MDN1: variants seen among roughly 807,000 people sequenced by gnomAD.
MDN1 encodes midasin.
Under a neutral mutation model 669.2 loss-of-function variants are expected in MDN1, and 266 were observed. The ratio of observed to expected loss-of-function variants is 0.40; its 90% confidence interval spans 0.36 to 0.44. The LOEUF (loss-of-function observed/expected upper bound fraction) is 0.44. MDN1 is among the 20% of genes least tolerant of loss of function. MDN1 has a pLI of 1.00. For missense variants in MDN1, 5,940 were observed against 6,754.0 expected, an observed-to-expected ratio of 0.88 and a Z score of 4.22; for synonymous variants, 2,385 against 2,457.1, an observed-to-expected ratio of 0.97 and a Z score of 0.87.
chr6:89,690,046 G>A lies in MDN1; in HGVS notation c.10847C>T (p.Ser3616Phe). Residue 3616 changes from serine to phenylalanine, a missense_variant, in exon 65 of 102, where the codon TCC (serine) becomes TTC (phenylalanine). Ser to Phe is a radical substitution (Grantham distance 155, BLOSUM62 -2). Coordinates refer to ENST00000369393, the MANE Select transcript of MDN1 (RefSeq NM_014611.3). ...CATTACTGCCTGCATTGAATTCTGGGAGAGGAGAGCTGGGTTTGTGCCTGC... is the reference window on the plus strand; with the variant it reads ...CATTACTGCCTGCATTGAATTCTGGAAGAGGAGAGCTGGGTTTGTGCCTGC... Reference protein sequence around the residue: ...EEAGTNPALLSQNSMQAVMLI... With the variant: ...EEAGTNPALLFQNSMQAVMLI... 1.9e-6 allele frequency: 3 copies of A among 1,614,194 alleles called. No homozygotes were observed. The highest frequency in any genetic ancestry group is 2.5e-6 in the Non-Finnish European group (3 of 1,180,040).
rs570577708 is a variant in MDN1, at chr6:89,664,371, C to G, written c.14236+116G>C. 49 of 1,329,082 alleles carry G rather than the reference C, an allele frequency of 3.7e-5. No homozygotes were observed. The African/African-American group carries it at 6.7e-4, about 18-fold the overall frequency. 82.3% of individuals were successfully genotyped at this position (1,329,082 alleles called of 1,614,324 possible). On this transcript the variant is annotated intron_variant, in intron 85 of 101. Transcript: ENST00000369393. ...TGAGGTTTTCATTTGCACTTAAGCACAGTAACCAACTTGTTTCAAAAGATT... is the reference window on the plus strand; with the variant it reads ...TGAGGTTTTCATTTGCACTTAAGCAGAGTAACCAACTTGTTTCAAAAGATT...
intron 84 of MDN1, 47 bp downstream of exon 84, chr6:89,667,967 G>A: frequency 1.9e-6 from 3 of 1,596,150 alleles, no homozygotes; most frequent in Non-Finnish European, 2.6e-6. Flanking sequence ...ATGTTGAAAA[G>A]AAAGAGAGTG....
chr6:89,793,742 C>A lies in MDN1; in HGVS notation c.855+20G>T. 1 of 1,605,570 alleles carries A rather than the reference C, an allele frequency of 6.2e-7. No individual in the cohort carries two copies. The highest frequency in any genetic ancestry group is 8.5e-7 in the Non-Finnish European group (1 of 1,175,000). On this transcript the variant is annotated intron_variant, in intron 5 of 101. Transcript: ENST00000369393. ...TTTAGTAGGGGGAAGGGGACACACC[C>A]CCTACTGATACCAACATACCAGCTC... is the stretch of plus-strand genomic sequence containing the variant.
At chr6:89,698,207 A>G (rs1812900067) in intron 59 of MDN1, among the ~76,000 whole-genome samples, 1 of 152,194 alleles carries the variant, frequency 6.6e-6, no homozygotes, top group Non-Finnish European at 1.5e-5. Flanking sequence ...GGCAATAACC[A>G]TAATTTTGTT....
Position 89,692,205 on chromosome 6 carries a change from C to A in MDN1, c.10587+238G>T, listed in dbSNP as rs142393768. Among the ~76,000 whole-genome samples, 5 of 152,130 alleles carry A rather than the reference C, an allele frequency of 3.3e-5. No homozygotes were observed. The East Asian group carries it at 9.7e-4, about 29-fold the overall frequency. On this transcript the variant is annotated intron_variant, in intron 63 of 101. Transcript: ENST00000369393. Reference sequence around the variant, plus strand: ...AGACAACTGACAAACTGGGAGAAAACACATGTAGTGTATAATAAAGGCCGC... The same window carrying A: ...AGACAACTGACAAACTGGGAGAAAAAACATGTAGTGTATAATAAAGGCCGC...
In MDN1 at chr6:89,772,421, C is replaced by T. The variant is rs191815824; in HGVS notation, c.2083+152G>A. ...GGAAATGAAATAATTTAATAATAAT[C>T]TATTAACAGTAGTTATTTCCAGGCA... On this transcript the variant is annotated intron_variant, in intron 14 of 101. Transcript: ENST00000369393. The T allele has an allele frequency of 4.8e-4, 333 of 697,310 alleles. No homozygotes were observed. In the African/African-American group the frequency reaches 5.6e-3, roughly 12 times the overall value. The allele number at this position is 697,310 out of a possible 1,614,324, so 43.2% of individuals were successfully genotyped here.
intron 12 of MDN1, 125 bp from the exon 13 acceptor site, chr6:89,774,858 G>T: frequency 1.6e-6 from 1 of 610,454 alleles, no homozygotes; most frequent in Non-Finnish European, 2.9e-6. Context: ...TTCCCAGATA[G>T]TTGAGTTGGC....
At chr6:89,746,614 AGAAAGAAAG>A (rs762939980) in intron 27 of MDN1, among the ~76,000 whole-genome samples, 1 of 7,958 alleles carries the variant, frequency 1.3e-4, no homozygotes, top group African/African-American at 4.3e-4. Context: ...AAAAAAAAAA[AGAAAGAAAG>A]AAAGAAAGAA....
intron 92 of MDN1, among the ~76,000 whole-genome samples, chr6:89,655,053 GA>G (rs1373729465): frequency 6.6e-6 from 1 of 151,740 alleles, no homozygotes; most frequent in African/African-American, 2.4e-5. Context: ...CAAAGGCTCA[GA>G]AAAGTTTTTT....
Position 89,643,883 on chromosome 6 carries a change from T to A in MDN1, c.*122A>T, listed in dbSNP as rs1808309284. On this transcript the variant is annotated 3_prime_UTR_variant, in exon 102 of 102. Coordinates refer to ENST00000369393, the MANE Select transcript of MDN1 (RefSeq NM_014611.3). ...AGAGAGCATTCTGTAGGCTGTAAGA[T>A]CACGTTGTAAAATAAAAATATTACA... The A allele has an allele frequency of 2.3e-6, 2 of 885,030 alleles. No individual in the cohort carries two copies. Among genetic ancestry groups the A allele is most frequent in the Admixed American group, 3.4e-5 (1 of 29,558 alleles). The allele number at this position is 885,030 out of a possible 1,614,324, so 54.8% of individuals were successfully genotyped here.
intron 2 of MDN1, among the ~76,000 whole-genome samples, chr6:89,795,694 C>A (rs60025780): frequency 0.043 from 6,531 of 152,164 alleles, 629 homozygotes; most frequent in East Asian, 0.38. Context: ...TGGCTCACAC[C>A]CGTAATCCCA....
intron 34 of MDN1, 96 bp downstream of exon 34, chr6:89,732,461 T>C (rs2128315292): frequency 1.0e-6 from 1 of 998,148 alleles, no homozygotes; most frequent in East Asian, 2.4e-5. Flanking sequence ...TGAGAAGTGA[T>C]TCAGTAAAAT....
Position 89,817,685 on chromosome 6 carries a change from G to A in MDN1, c.102+1821C>T, listed in dbSNP as rs139215198. ...ATAACAACAGACATTAACAACGGGA[G>A]GTGACTCCAGTCAACAATAGTAGAG... is the stretch of plus-strand genomic sequence containing the variant. On this transcript the variant is annotated intron_variant, in intron 1 of 101. Coordinates refer to ENST00000369393, the MANE Select transcript of MDN1 (RefSeq NM_014611.3). 2.7e-3 allele frequency among the ~76,000 whole-genome samples: 417 copies of A among 152,276 alleles called. 3 individuals carry two copies. Among genetic ancestry groups the A allele is most frequent in the African/African-American group, 9.6e-3 (398 of 41,554 alleles).
intron 15 of MDN1, among the ~76,000 whole-genome samples, chr6:89,767,639 C>T (rs1225745289): frequency 6.6e-6 from 1 of 152,070 alleles, no homozygotes; most frequent in Admixed American, 6.6e-5. Flanking sequence ...GCCTGTAATC[C>T]CAGCTACTCG....
chr6:89,773,068 T>C (rs189515662), intron 13 of MDN1, among the ~76,000 whole-genome samples: 1 of 152,324 alleles, frequency 6.6e-6, no homozygotes, highest in Non-Finnish European at 1.5e-5. Context: ...TACCTAGTTG[T>C]AATAGGTTAA....
At chr6:89,696,335 G>C (rs767125635) in intron 60 of MDN1, 25 bp downstream of exon 60, 74 of 1,608,140 alleles carry the variant, frequency 4.6e-5, no homozygotes, top group Non-Finnish European at 6.2e-5. Flanking sequence ...GAACTTTACA[G>C]TCTGCTTCCA....
At chr6:89,794,870 T>C in intron 2 of MDN1, 69 bp from the exon 3 acceptor site, 1 of 1,295,214 alleles carries the variant, frequency 7.7e-7, no homozygotes, top group Non-Finnish European at 1.1e-6. Flanking sequence ...TGCTTTGTAA[T>C]AGGTTTATCA....
At chr6:89,801,166 C>T (rs538695132) in intron 2 of MDN1, among the ~76,000 whole-genome samples, 1 of 152,074 alleles carries the variant, frequency 6.6e-6, no homozygotes, top group Non-Finnish European at 1.5e-5. Flanking sequence ...GAGGCCAAGG[C>T]GGGCAGATCA....
chr6:89,811,477 G>C (rs116863759), intron 1 of MDN1, among the ~76,000 whole-genome samples: 1 of 151,156 alleles, frequency 6.6e-6, no homozygotes, highest in Non-Finnish European at 1.5e-5. Context: ...TCACTCTGTC[G>C]CCAGGCTGGA....
Sources: gnomAD v4.1 joint callset for allele counts (sites outside exome capture counted in the v4.1 genomes callset) on GRCh38, gnomAD v4.1.1 for gene constraint, MANE v1.5 for transcripts, NCBI Gene and HGNC (gene_info 2026-07-23, HGNC 2026-07-21) for gene names.